Variants in INSYN2A observed in about 807,000 individuals in gnomAD.
INSYN2A encodes inhibitory synaptic factor 2A, also known as family with sequence similarity 196 member A.
Under a neutral mutation model 39.4 loss-of-function variants are expected in INSYN2A, and 17 were observed. The ratio of observed to expected loss-of-function variants is 0.43; its 90% CI spans 0.30 to 0.65. INSYN2A has a LOEUF of 0.65. Among genes scored for constraint, INSYN2A ranks in the 30% least tolerant of loss-of-function variants. The pLI is 0.14. For synonymous variants in INSYN2A, 255 were observed against 265.7 expected (o/e 0.96, Z 0.39); for missense variants, 595 against 631.2 (o/e 0.94, Z 0.61).
At chr10:127,139,159 T>C (rs978040782) in intron 5 of INSYN2A, among the ~76,000 whole-genome samples, 25 of 152,338 alleles carry the variant, frequency 1.6e-4, no homozygotes, top group African/African-American at 5.8e-4. Context: ...ATGCATGAGC[T>C]CATAACATTT....
At chr10:127,171,518 C>G (rs35353281) in intron 4 of INSYN2A, among the ~76,000 whole-genome samples, 21,336 of 152,032 alleles carry the variant, frequency 0.14, 1,731 homozygotes, top group African/African-American at 0.22. Context: ...TATTCAAACT[C>G]ATGGGCTCCG....
At chr10:127,189,345 T>C (rs2056550945) in intron 2 of INSYN2A, among the ~76,000 whole-genome samples, 1 of 152,206 alleles carries the variant, frequency 6.6e-6, no homozygotes, top group African/African-American at 2.4e-5. Flanking sequence ...CACTCAGTAG[T>C]TGACCTGCCC....
intron 4 of INSYN2A, among the ~76,000 whole-genome samples, chr10:127,156,513 T>C (rs184552450): frequency 6.6e-6 from 1 of 151,864 alleles, no homozygotes; most frequent in East Asian, 1.9e-4. Context: ...TTCTTCTCTT[T>C]TCTTTACTTT....
rs2055065664 is a variant in INSYN2A, at chr10:127,175,849, T to C, written c.547A>G (p.Thr183Ala). The C allele has an allele frequency of 6.2e-7, 1 of 1,614,014 alleles. No homozygotes were observed. The highest frequency in any genetic ancestry group is 8.5e-7 in the Non-Finnish European group (1 of 1,180,018). Residue 183 changes from threonine to alanine, a missense_variant, in exon 4 of 6, where the codon ACA (threonine) becomes GCA (alanine). Coordinates refer to ENST00000522781, the MANE Select transcript of INSYN2A (RefSeq NM_001039762.3). This position sits in a 1 kb window ranked among gnomAD's most constrained non-coding sequence, Gnocchi z 6.3. ...TTGACCCCCAAAGGCTGGTCCACTGTGTTCATGTGTTGGTTGGAATGGAAA... is the reference window on the plus strand; with the variant it reads ...TTGACCCCCAAAGGCTGGTCCACTGCGTTCATGTGTTGGTTGGAATGGAAA... Reference protein sequence around the residue: ...LVFHSNQHMNTVDQPLGVNCT... With the variant: ...LVFHSNQHMNAVDQPLGVNCT...
At chr10:127,173,252 GGACA>G (rs1184362048) in intron 4 of INSYN2A, among the ~76,000 whole-genome samples, 13 of 152,106 alleles carry the variant, frequency 8.5e-5, no homozygotes, top group Admixed American at 3.9e-4. Context: ...CCTGTCTGCA[GGACA>G]GACAGTGATC....
At chr10:127,153,959 G>T (rs369528960) in intron 4 of INSYN2A, 36 bp from the exon 5 acceptor site, 4 of 1,519,910 alleles carry the variant, frequency 2.6e-6, no homozygotes, top group Non-Finnish European at 2.7e-6. Context: ...TACAAGCGGT[G>T]GCTGGGGGTC....
In INSYN2A at chr10:127,184,535, C is replaced by T. The variant is rs149422613; in HGVS notation, c.-268-7396G>A. Among the ~76,000 whole-genome samples the T allele has an allele frequency of 1.3e-4, 19 of 149,382 alleles. No individual in the cohort carries two copies. The East Asian group carries it at 1.4e-3, about 11-fold the overall frequency. On this transcript the variant is annotated intron_variant, in intron 2 of 5. Coordinates refer to ENST00000522781, the MANE Select transcript of INSYN2A (RefSeq NM_001039762.3). The stretch of plus-strand genomic sequence containing the variant: ...TGCTAGTCTTGGCTTCAAGTGCACA[C>T]GTCGCTTCTCTGTGCATATACCTGG...
chr10:127,151,585 C>G (rs961597504), intron 5 of INSYN2A, among the ~76,000 whole-genome samples: 1 of 152,156 alleles, frequency 6.6e-6, no homozygotes. Context: ...TGCAGGCTAC[C>G]GAGGGCCACA....
chr10:127,164,274 C>T (rs1408372869), intron 4 of INSYN2A, among the ~76,000 whole-genome samples: 1 of 139,258 alleles, frequency 7.2e-6, no homozygotes, highest in Non-Finnish European at 1.5e-5. Flanking sequence ...AACTCCACCT[C>T]CCAGGTTCAA....
chr10:127,152,902 G>T (rs552848118), intron 5 of INSYN2A, among the ~76,000 whole-genome samples: 1 of 152,290 alleles, frequency 6.6e-6, no homozygotes, highest in African/African-American at 2.4e-5. Flanking sequence ...GCTCTGTCTG[G>T]ATCGGAGGCA....
rs1366010859 is a variant in INSYN2A, at chr10:127,137,348, T to G, written c.*489A>C. 6.5e-6 allele frequency: 1 copy of G among 153,236 alleles called. No individual in the cohort carries two copies. The highest frequency in any genetic ancestry group is 1.5e-5 in the Non-Finnish European group (1 of 68,506). The allele number at this position is 153,236 out of a possible 1,614,324, so 9.5% of individuals were successfully genotyped here. A position where few individuals can be genotyped will look rare whatever the true frequency, so the allele number is the denominator to read the frequency against. ...AAAAAATTGTGCTTTCTCCGGAATT[T>G]GATGTGCTGAAAATTGCACTCGCCC... On this transcript the variant is annotated 3_prime_UTR_variant, in exon 6 of 6. Coordinates refer to ENST00000522781, the MANE Select transcript of INSYN2A (RefSeq NM_001039762.3).
chr10:127,177,796 G>C (rs1484638253), intron 2 of INSYN2A, among the ~76,000 whole-genome samples: 1 of 152,282 alleles, frequency 6.6e-6, no homozygotes, highest in African/African-American at 2.4e-5. Flanking sequence ...TCGAGTGCCA[G>C]ATGCTCTGCT....
chr10:127,187,925 A>G (rs2056431207), intron 2 of INSYN2A, among the ~76,000 whole-genome samples: 1 of 152,192 alleles, frequency 6.6e-6, no homozygotes, highest in Non-Finnish European at 1.5e-5. Context: ...TACGATAAAG[A>G]ACCACTGGCC....
intron 5 of INSYN2A, 44 bp downstream of exon 5, chr10:127,153,808 G>T: frequency 7.0e-7 from 1 of 1,434,512 alleles, no homozygotes; most frequent in Non-Finnish European, 9.8e-7. Flanking sequence ...AACATCATTT[G>T]TCACTCATAA....
chr10:127,190,951 G>A (rs1328074174), intron 2 of INSYN2A, among the ~76,000 whole-genome samples: 2 of 151,992 alleles, frequency 1.3e-5, no homozygotes, highest in South Asian at 2.1e-4. Flanking sequence ...GAGAATATAT[G>A]TTCTTGTTTC....
rs550967716 is a variant in INSYN2A, at chr10:127,147,924, G to A, written c.1256+5928C>T. ...TGCGCGCACGTAGTCCCAGCTACTC[G>A]GGAGGCTGAGGCAGAAGAATTGCTT... On this transcript the variant is annotated intron_variant, in intron 5 of 5. Coordinates refer to ENST00000522781, the MANE Select transcript of INSYN2A (RefSeq NM_001039762.3). 1.3e-4 allele frequency among the ~76,000 whole-genome samples: 20 copies of A among 151,302 alleles called. No homozygotes were observed. The South Asian group carries it at 3.6e-3, about 27-fold the overall frequency.
intron 5 of INSYN2A, among the ~76,000 whole-genome samples, chr10:127,142,187 G>A (rs914568725): frequency 2.6e-5 from 4 of 152,224 alleles, no homozygotes; most frequent in Non-Finnish European, 4.4e-5. Context: ...GCCACCAGAC[G>A]TGCTGTGTGC....
chr10:127,155,813 T>C (rs1192741292), intron 4 of INSYN2A, among the ~76,000 whole-genome samples: 1 of 152,218 alleles, frequency 6.6e-6, no homozygotes, highest in South Asian at 2.1e-4. Flanking sequence ...AGCTCAGTGC[T>C]GACCAAGGTC....
intron 4 of INSYN2A, among the ~76,000 whole-genome samples, chr10:127,157,480 C>A (rs1383952486): frequency 6.6e-6 from 1 of 152,222 alleles, no homozygotes; most frequent in Non-Finnish European, 1.5e-5. Context: ...GGAAACACTT[C>A]TTGACTTTTA....
Sources: allele counts gnomAD v4.1 joint callset (sites outside exome capture counted in the v4.1 genomes callset), GRCh38; gene constraint gnomAD v4.1.1; non-coding constraint Gnocchi (gnomAD v3.1); transcripts MANE v1.5; gene names NCBI Gene and HGNC (gene_info 2026-07-23, HGNC 2026-07-21).